Variants in RGS7 observed in about 807,000 individuals in gnomAD.
RGS7 encodes the protein regulator of G protein signaling 7, also known as regulator of G-protein signaling 7.
RGS7 carries 27 observed loss-of-function variants against 81.1 expected under a neutral mutation model. The observed-to-expected ratio is 0.33, with a 90% CI of 0.25 to 0.46. The LOEUF is 0.46. Ranked by LOEUF, RGS7 falls within the 20% of genes least tolerant of loss-of-function variation. The pLI is 1.00. For synonymous variants in RGS7, 208 were observed against 207.7 expected (o/e 1.00, Z -0.01); for missense variants, 396 against 607.4 (o/e 0.65, Z 3.66).
chr1:240,947,048 G>T (rs183144050), intron 4 of RGS7, among the ~76,000 whole-genome samples: 141 of 152,230 alleles, frequency 9.3e-4, no homozygotes, highest in African/African-American at 3.2e-3. Context: ...GATGCTGTAG[G>T]TGATATTAAC....
At chr1:241,232,482 C>T (rs1310154839) in intron 2 of RGS7, among the ~76,000 whole-genome samples, 1 of 152,114 alleles carries the variant, frequency 6.6e-6, no homozygotes, top group Non-Finnish European at 1.5e-5. Context: ...GTTGGGATTA[C>T]TGGTGTGAGC....
intron 2 of RGS7, among the ~76,000 whole-genome samples, chr1:241,331,904 G>C (rs1028568718): frequency 7.9e-5 from 12 of 152,164 alleles, no homozygotes; most frequent in African/African-American, 2.7e-4. Flanking sequence ...AACATGCTGA[G>C]GGATTTCAGC....
chr1:241,221,053 A>AAGAG (rs2074954565), intron 2 of RGS7, among the ~76,000 whole-genome samples: 2 of 126,154 alleles, frequency 1.6e-5, no homozygotes. Flanking sequence ...GAAAGAAAGA[A>AAGAG]AGAAAGAGAG....
At chr1:241,118,996 C>T (rs566022250) in intron 2 of RGS7, among the ~76,000 whole-genome samples, 1 of 152,040 alleles carries the variant, frequency 6.6e-6, no homozygotes, top group African/African-American at 2.4e-5. Flanking sequence ...ATGCAATATA[C>T]CCATTTAACA....
intron 9 of RGS7, among the ~76,000 whole-genome samples, chr1:240,859,380 A>T (rs1213904708): frequency 6.8e-6 from 1 of 146,518 alleles, no homozygotes; most frequent in Non-Finnish European, 1.5e-5. Flanking sequence ...ATAGGCCCAT[A>T]TATATTATCT....
At chr1:240,951,597 G>T (rs370580377) in intron 4 of RGS7, among the ~76,000 whole-genome samples, 1 of 151,844 alleles carries the variant, frequency 6.6e-6, no homozygotes, top group Admixed American at 6.6e-5. Flanking sequence ...ACTGAAATTC[G>T]AAGAAAAAAA....
At chr1:241,245,667 C>T (rs1176178296) in intron 2 of RGS7, among the ~76,000 whole-genome samples, 8 of 151,234 alleles carry the variant, frequency 5.3e-5, no homozygotes, top group Non-Finnish European at 1.2e-4. Context: ...ATTAGCCAGG[C>T]GTAGTGGCAA....
At chr1:241,236,460 T>C (rs1197299810) in intron 2 of RGS7, among the ~76,000 whole-genome samples, 1 of 152,134 alleles carries the variant, frequency 6.6e-6, no homozygotes, top group Non-Finnish European at 1.5e-5. Flanking sequence ...AGCTTGACCC[T>C]AAGGACTTCC....
intron 6 of RGS7, among the ~76,000 whole-genome samples, chr1:240,885,735 G>C (rs1014598256): frequency 6.6e-6 from 1 of 152,056 alleles, no homozygotes; most frequent in Admixed American, 6.5e-5. Context: ...AACAGACACT[G>C]GGATCTACTT....
chr1:241,353,425 A>G (rs6429258), intron 2 of RGS7, among the ~76,000 whole-genome samples: 148,028 of 152,326 alleles, frequency 0.97, 72,065 homozygotes, highest in South Asian at 1. Context: ...GATAACTAGC[A>G]AATGATAAGC....
At position 241,275,903 on chromosome 1, in the gene RGS7, G is replaced by A. The variant is rs186364733; in HGVS notation, c.78+79796C>T. ...TGTTTAATAGAGGTCTGGCAGCTGA[G>A]GCAAAACCTAACAATAATTCTGATG... On this transcript the variant is annotated intron_variant, in intron 2 of 18. Transcript: ENST00000440928. 4.4e-3 allele frequency among the ~76,000 whole-genome samples: 672 copies of A among 152,290 alleles called. 15 individuals carry two copies. The highest frequency in any genetic ancestry group is 0.041 in the Admixed American group (626 of 15,294).
At position 241,234,385 on chromosome 1, in the gene RGS7, C is replaced by A. The variant is rs548301627; in HGVS notation, c.78+121314G>T. On this transcript the variant is annotated intron_variant, in intron 2 of 18. Coordinates refer to ENST00000440928, the MANE Select transcript of RGS7 (RefSeq NM_001364886.1). Reference sequence around the variant, plus strand: ...CCGCTTGCCATTAAATGCAGTGGTACGATTATCTTGCATCCAGTGAGAGAA... The same window carrying A: ...CCGCTTGCCATTAAATGCAGTGGTAAGATTATCTTGCATCCAGTGAGAGAA... 1.3e-5 allele frequency among the ~76,000 whole-genome samples: 2 copies of A among 152,196 alleles called. 1 individual carries two copies. Among genetic ancestry groups the A allele is most frequent in the South Asian group, 4.1e-4 (2 of 4,832 alleles).
intron 3 of RGS7, among the ~76,000 whole-genome samples, chr1:241,080,611 C>T (rs2063077326): frequency 6.6e-6 from 1 of 152,112 alleles, no homozygotes; most frequent in African/African-American, 2.4e-5. Flanking sequence ...GTGTTCCATA[C>T]ACCAGTTAGA....
intron 18 of RGS7, among the ~76,000 whole-genome samples, chr1:240,780,554 G>A (rs1023716166): frequency 1.3e-5 from 2 of 151,886 alleles, no homozygotes; most frequent in Non-Finnish European, 2.9e-5. Context: ...AGAAGACTGG[G>A]GAAAGATGCT....
rs547834829 is a variant in RGS7, at chr1:241,325,156, G to A, written c.78+30543C>T. ...AGATAAAATAGAATCCTGTTGCTACGGGGGAAACCCAATTATTTAAACAAC... is the reference window on the plus strand; with the variant it reads ...AGATAAAATAGAATCCTGTTGCTACAGGGGAAACCCAATTATTTAAACAAC... On this transcript the variant is annotated intron_variant, in intron 2 of 18. Coordinates refer to ENST00000440928, the MANE Select transcript of RGS7 (RefSeq NM_001364886.1). 1.9e-4 allele frequency among the ~76,000 whole-genome samples: 29 copies of A among 152,268 alleles called. No individual in the cohort carries two copies. In the South Asian group the frequency reaches 3.9e-3, roughly 21 times the overall value.
intron 2 of RGS7, among the ~76,000 whole-genome samples, chr1:241,152,755 C>CT (rs962761222): frequency 2.0e-5 from 3 of 152,212 alleles, no homozygotes; most frequent in Non-Finnish European, 4.4e-5. Context: ...TGTGAGTATA[C>CT]TCTCCTTCTC....
intron 2 of RGS7, among the ~76,000 whole-genome samples, chr1:241,153,345 A>T (rs571596317): frequency 1.3e-5 from 2 of 152,360 alleles, no homozygotes. Context: ...CCACTTTAAC[A>T]TGAGTAATCA....
At chr1:241,221,192 GAA>G (rs1467213182) in intron 2 of RGS7, among the ~76,000 whole-genome samples, 1 of 151,484 alleles carries the variant, frequency 6.6e-6, no homozygotes, top group Non-Finnish European at 1.5e-5. Context: ...AAGAGAGAAA[GAA>G]AGAGAAAGAA....
At chr1:240,989,196 T>C (rs1404647407) in intron 3 of RGS7, among the ~76,000 whole-genome samples, 8 of 151,692 alleles carry the variant, frequency 5.3e-5, no homozygotes, top group Admixed American at 6.6e-5. Flanking sequence ...TCCCAGCATG[T>C]TGGGGGGCCG....
Sources: gnomAD v4.1 joint callset for allele counts (sites outside exome capture counted in the v4.1 genomes callset) on GRCh38, gnomAD v4.1.1 for gene constraint, MANE v1.5 for transcripts, NCBI Gene and HGNC (gene_info 2026-07-23, HGNC 2026-07-21) for gene names.